FLG: variants seen among roughly 807,000 people sequenced by gnomAD.
FLG encodes the protein epidermal filaggrin.
In FLG, 6 loss-of-function variants were observed where a neutral mutation model predicts 3.8. That is an observed-to-expected ratio of 1.60 (90% CI 0.87 to 3.15). The LOEUF is 3.15. FLG is among the 30% of genes most tolerant of loss of function. FLG has a pLI of 0.00. For synonymous variants in FLG, 2,551 were observed against 1,931.6 expected, an observed-to-expected ratio of 1.32 and a Z score of -8.41; for missense variants, 7,595 against 5,050.9, an observed-to-expected ratio of 1.50 and a Z score of -15.27.
At position 152,310,983 on chromosome 1, in the gene FLG, C is replaced by T. The variant is rs755954668; in HGVS notation, c.3903G>A (p.Gln1301=). ...CAGGGTGTCTGGAGCCATCTCTTGA[C>T]TGCTCCCGAGAAGATCCATGATGGT... is the stretch of plus-strand genomic sequence containing the variant. ...SRNHHGSSRE[Q]SRDGSRHPGF... is the part of the protein sequence containing the mutation. The change falls in exon 3 of 3, where the codon CAG becomes CAA. Residue 1301 remains glutamine, a synonymous_variant. Transcript: ENST00000368799. The T allele has an allele frequency of 6.2e-7, 1 of 1,614,012 alleles. No homozygotes were observed. Among genetic ancestry groups the T allele is most frequent in the Non-Finnish European group, 8.5e-7 (1 of 1,179,996 alleles).
chr1:152,313,988 C>T lies in FLG; in HGVS notation c.898G>A (p.Asp300Asn), dbSNP rs1377061033. The T allele has an allele frequency of 3.1e-6, 5 of 1,614,216 alleles. No homozygotes were observed. In the South Asian group the frequency reaches 5.5e-5, roughly 18 times the overall value. The change falls in exon 3 of 3, where the codon GAC becomes AAC. Residue 300 changes from aspartate (D) to asparagine (N), a missense_variant. Coordinates refer to ENST00000368799, the MANE Select transcript of FLG (RefSeq NM_002016.2). ...TCTGAGTGTCCCTCACTGTCCCTGTCCTGGCTAACTCTGGATCCCCTACGC... is the reference window on the plus strand; with the variant it reads ...TCTGAGTGTCCCTCACTGTCCCTGTTCTGGCTAACTCTGGATCCCCTACGC... ...RKRRGSRVSQ[D>N]RDSEGHSEDS...
In FLG at chr1:152,312,434, G is replaced by T. The variant is rs147738817; in HGVS notation, c.2452C>A (p.Gln818Lys). ...CGTGCCTGCTCATGGTGGGATCCTT[G>T]TCTTACTCCAGTGCTGGGCCCTGTC... ...GWTGPSTGVRQGSHHEQARDN... is the reference protein window; with the variant it reads ...GWTGPSTGVRKGSHHEQARDN... The change falls in exon 3 of 3, where the codon CAA (glutamine) becomes AAA (lysine). Residue 818 changes from glutamine (Q) to lysine (K), a missense_variant. Physicochemically the swap from Gln to Lys is moderately conservative, Grantham distance 53 (BLOSUM62 1). Transcript: ENST00000368799. 2 of 1,613,454 alleles carry T rather than the reference G, an allele frequency of 1.2e-6. No homozygotes were observed. The highest frequency in any genetic ancestry group is 1.1e-5 in the South Asian group (1 of 91,004).
Position 152,307,121 on chromosome 1 carries a change from T to G in FLG, c.7765A>C (p.Arg2589=). ...TCCTGAGCAGATCCATGATGGTTTCTGGAAGCAGACCCAGACCACCTCTCA... is the reference window on the plus strand; with the variant it reads ...TCCTGAGCAGATCCATGATGGTTTCGGGAAGCAGACCCAGACCACCTCTCA... The part of the protein sequence containing the change: ...DSERWSGSAS[R]NHHGSAQEQL... The change falls in exon 3 of 3, where the codon AGA becomes CGA. Residue 2589 remains arginine (R), a synonymous_variant. Transcript: ENST00000368799. 2 of 1,612,200 alleles carry G rather than the reference T, an allele frequency of 1.2e-6. No individual in the cohort carries two copies. Among genetic ancestry groups the G allele is most frequent in the African/African-American group, 2.7e-5 (2 of 73,642 alleles).
chr1:152,319,404 A>G (rs1652885138), intron 1 of FLG, among the ~76,000 whole-genome samples: 1 of 151,284 alleles, frequency 6.6e-6, no homozygotes, highest in Admixed American at 6.6e-5. Flanking sequence ...TCAGATTTAG[A>G]GGGAAATATA....
In FLG at chr1:152,312,584, C is replaced by G; in HGVS notation, c.2302G>C (p.Ala768Pro). The change falls in exon 3 of 3, where the codon GCT becomes CCT. Residue 768 changes from alanine (A) to proline (P), a missense_variant. By Grantham distance (27) the Ala-to-Pro change is conservative. Transcript: ENST00000368799. ...TGGTGGCTCTGCTGATGGTGACCAGCCTGTCCATGGCCTGACACTGACTGT... is the reference window on the plus strand; with the variant it reads ...TGGTGGCTCTGCTGATGGTGACCAGGCTGTCCATGGCCTGACACTGACTGT... ...DTQSVSGHGQAGHHQQSHQES... is the reference protein window; with the variant it reads ...DTQSVSGHGQPGHHQQSHQES... 1 of 1,613,762 alleles carries G rather than the reference C, an allele frequency of 6.2e-7. No homozygotes were observed. Among genetic ancestry groups the G allele is most frequent in the Non-Finnish European group, 8.5e-7 (1 of 1,179,964 alleles).
At position 152,303,306 on chromosome 1, in the gene FLG, T is replaced by A; in HGVS notation, c.11580A>T (p.Gly3860=). 1 of 1,614,014 alleles carries A rather than the reference T, an allele frequency of 6.2e-7. No individual in the cohort carries two copies. Residue 3860 remains glycine, a synonymous_variant, in exon 3 of 3, where the codon GGA becomes GGT. Transcript: ENST00000368799. Reference sequence around the variant, plus strand: ...TGTCACTGTCCTGGCTAACACTGGATCCCTGGCGCCTGCTTCTCCTGGACC... The same window carrying A: ...TGTCACTGTCCTGGCTAACACTGGAACCCTGGCGCCTGCTTCTCCTGGACC... ...SAGSRRSRRQ[G]SSVSQDSDSE...
At position 152,310,030 on chromosome 1, in the gene FLG, T is replaced by C. The variant is rs751155855; in HGVS notation, c.4856A>G (p.Tyr1619Cys). Reference protein sequence around the residue: ...RRSESASRNHYGSAREQSRHG... With the variant: ...RRSESASRNHCGSAREQSRHG... ...TCTTGACTGCTCCCGAGCAGATCCA[T>C]AATGGTTTCTGGAAGCCGACTCAGA... is the stretch of plus-strand genomic sequence containing the variant. Residue 1619 changes from tyrosine to cysteine, a missense_variant, in exon 3 of 3, where the codon TAT becomes TGT. By Grantham distance (194) the Tyr-to-Cys change is radical. Coordinates refer to ENST00000368799, the MANE Select transcript of FLG (RefSeq NM_002016.2). The C allele has an allele frequency of 2.5e-6, 4 of 1,613,662 alleles. No homozygotes were observed. Among genetic ancestry groups the C allele is most frequent in the Non-Finnish European group, 3.4e-6 (4 of 1,179,964 alleles).
intron 1 of FLG, among the ~76,000 whole-genome samples, chr1:152,321,177 AT>A (rs750683869): frequency 6.6e-6 from 1 of 150,572 alleles, no homozygotes; most frequent in Non-Finnish European, 1.5e-5. Context: ...CACTGTTATC[AT>A]TTTTTATGTG....
intron 1 of FLG, among the ~76,000 whole-genome samples, chr1:152,320,919 A>G (rs1652942393): frequency 6.6e-6 from 1 of 151,052 alleles, no homozygotes; most frequent in African/African-American, 2.4e-5. Context: ...ATGACTTCTA[A>G]ATAATCAATG....
rs747439047 is a variant in FLG at position 152,310,376 on chromosome 1, A to G, written c.4510T>C (p.Tyr1504His). 5 of 1,613,272 alleles carry G rather than the reference A, an allele frequency of 3.1e-6. No homozygotes were observed. Among genetic ancestry groups the G allele is most frequent in the Non-Finnish European group, 3.4e-6 (4 of 1,179,842 alleles). ...GSSRGGRQGS[Y>H]HEQSVDRSGH... ...GACCTATCTACTGATTGCTCGTGGT[A>G]GGATCCCTGCCTTCCTCCTCTGCTT... is the stretch of plus-strand genomic sequence containing the variant. Residue 1504 changes from tyrosine (Y) to histidine (H), a missense_variant, in exon 3 of 3, where the codon TAC becomes CAC. Tyr to His is a moderately conservative substitution (Grantham distance 83, BLOSUM62 2). Transcript: ENST00000368799.
In FLG at chr1:152,307,260, G is replaced by C; in HGVS notation, c.7626C>G (p.Asp2542Glu). ...SRHHEASSRADSSGHSQVGQG... is the reference protein window; with the variant it reads ...SRHHEASSRAESSGHSQVGQG... ...GGCCCACCTGCGAGTGTCCAGAGCT[G>C]TCGGCCCGAGAGGAAGCTTCATGGT... Residue 2542 changes from aspartate (D) to glutamate (E), a missense_variant, in exon 3 of 3, where the codon GAC becomes GAG. Asp to Glu is a conservative substitution (Grantham distance 45, BLOSUM62 2). Transcript: ENST00000368799. The C allele has an allele frequency of 1.2e-6, 2 of 1,613,046 alleles. No individual in the cohort carries two copies. The highest frequency in any genetic ancestry group is 1.7e-6 in the Non-Finnish European group (2 of 1,179,964).
Position 152,313,317 on chromosome 1 carries a change from G to T in FLG, c.1569C>A (p.Ser523Arg), listed in dbSNP as rs745686686. 1.9e-6 allele frequency: 3 copies of T among 1,613,690 alleles called. No individual in the cohort carries two copies. Among genetic ancestry groups the T allele is most frequent in the South Asian group, 1.1e-5 (1 of 91,042 alleles). ...QDTIRGHPGS[S>R]RGGRQGSHHE... is the part of the protein sequence containing the mutation. ...GGTGGGATCCCTGCCTTCCTCCTCT[G>T]CTTGACCCCGGGTGTCCACGAATGG... Residue 523 changes from serine to arginine, a missense_variant, in exon 3 of 3, where the codon AGC becomes AGA. Coordinates refer to ENST00000368799, the MANE Select transcript of FLG (RefSeq NM_002016.2).
In FLG at chr1:152,311,478, G is replaced by C. The variant is rs560095519; in HGVS notation, c.3408C>G (p.Thr1136=). Residue 1136 remains threonine (T), a synonymous_variant, in exon 3 of 3, where the codon ACC becomes ACG. Coordinates refer to ENST00000368799, the MANE Select transcript of FLG (RefSeq NM_002016.2). ...GGGATCCTTGTCTTCGTCCAGTGCT[G>C]GTCCTGGTCCGCCCATGGGCAGACT... The part of the protein sequence containing the change: ...QSESAHGRTR[T]STGRRQGSHH... 4 of 1,613,798 alleles carry C rather than the reference G, an allele frequency of 2.5e-6. No individual in the cohort carries two copies. The East Asian group carries it at 6.7e-5, about 27-fold the overall frequency.
At position 152,308,877 on chromosome 1, in the gene FLG, T is replaced by G. The variant is rs762671752; in HGVS notation, c.6009A>C (p.Glu2003Asp). 5.2e-5 allele frequency: 84 copies of G among 1,614,004 alleles called. No individual in the cohort carries two copies. Among genetic ancestry groups the G allele is most frequent in the Non-Finnish European group, 6.7e-5 (79 of 1,180,000 alleles). Reference sequence around the variant, plus strand: ...GGAGCTGGTGGTGGGATCCATGTCTTTCTCCTGCACTTGATCTTGCCTGTT... The same window carrying G: ...GGAGCTGGTGGTGGGATCCATGTCTGTCTCCTGCACTTGATCTTGCCTGTT... The part of the protein sequence containing the change: ...SHEQARSSAG[E>D]RHGSHHQLQS... Residue 2003 changes from glutamate to aspartate, a missense_variant, in exon 3 of 3, where the codon GAA (glutamate) becomes GAC (aspartate). Transcript: ENST00000368799.
rs1263177887 is a variant in FLG, at chr1:152,313,128, T to C, written c.1758A>G (p.Ser586=). The change falls in exon 3 of 3, where the codon TCA becomes TCG. Residue 586 remains serine, a synonymous_variant. Coordinates refer to ENST00000368799, the MANE Select transcript of FLG (RefSeq NM_002016.2). ...QSGDGTRHSG[S]RHHEASSQAD... ...CCTGAGAGGAAGCTTCATGATGACGTGACCCTGAGTGCCTGGTGCCGTCTC... is the reference window on the plus strand; with the variant it reads ...CCTGAGAGGAAGCTTCATGATGACGCGACCCTGAGTGCCTGGTGCCGTCTC... 6.2e-7 allele frequency: 1 copy of C among 1,613,864 alleles called. No homozygotes were observed. The highest frequency in any genetic ancestry group is 2.2e-5 in the East Asian group (1 of 44,816).
In FLG at chr1:152,304,858, C is replaced by A. The variant is rs754551146; in HGVS notation, c.10028G>T (p.Ser3343Ile). Reference sequence around the variant, plus strand: ...GTCTGACTCTTCTGAATGTCCCTCACTATCACTGGCCTGACTACCACTGGA... The same window carrying A: ...GTCTGACTCTTCTGAATGTCCCTCAATATCACTGGCCTGACTACCACTGGA... ...WGSSGSQASD[S>I]EGHSEESDTQ... Residue 3343 changes from serine to isoleucine, a missense_variant, in exon 3 of 3, where the codon AGT becomes ATT. By Grantham distance (142) the Ser-to-Ile change is moderately radical (BLOSUM62 -2). Transcript: ENST00000368799. 1.9e-6 allele frequency: 3 copies of A among 1,613,752 alleles called. No homozygotes were observed. Among genetic ancestry groups the A allele is most frequent in the Non-Finnish European group, 2.5e-6 (3 of 1,179,968 alleles).
Position 152,310,909 on chromosome 1 carries a change from G to A in FLG, c.3977C>T (p.Ser1326Phe). 6.2e-7 allele frequency: 1 copy of A among 1,614,074 alleles called. No homozygotes were observed. Among genetic ancestry groups the A allele is most frequent in the South Asian group, 1.1e-5 (1 of 91,072 alleles). The stretch of plus-strand genomic sequence containing the variant: ...TGTGTGATGAGTGCCTGATTGTCTG[G>A]AGCTGTCTGCAGAGTGCCCGTGACT... ...RASHGHSADS[S>F]RQSGTHHTES... Residue 1326 changes from serine (S) to phenylalanine (F), a missense_variant, in exon 3 of 3, where the codon TCC becomes TTC. Coordinates refer to ENST00000368799, the MANE Select transcript of FLG (RefSeq NM_002016.2).
rs147125842 is a variant in FLG, at chr1:152,308,897, C to T, written c.5989G>A (p.Ala1997Thr). 318 of 1,613,808 alleles carry T rather than the reference C, an allele frequency of 2.0e-4. No individual in the cohort carries two copies. In the African/African-American group the frequency reaches 3.1e-3, roughly 16 times the overall value. ...TGTCTTTCTCCTGCACTTGATCTTG[C>T]CTGTTCATGGGATGACGCAGCCTGT... ...RGQAASSHEQ[A>T]RSSAGERHGS... Residue 1997 changes from alanine to threonine, a missense_variant, in exon 3 of 3, where the codon GCA becomes ACA. Transcript: ENST00000368799.
At chr1:152,321,578 A>ATT in intron 1 of FLG, among the ~76,000 whole-genome samples, 1 of 130,574 alleles carries the variant, frequency 7.7e-6, no homozygotes. Context: ...CATAGAAGAA[A>ATT]TGTCTAGAAA....
Sources: gnomAD v4.1 joint callset for allele counts (sites outside exome capture counted in the v4.1 genomes callset) on GRCh38, gnomAD v4.1.1 for gene constraint, MANE v1.5 for transcripts, NCBI Gene and HGNC (gene_info 2026-07-23, HGNC 2026-07-21) for gene names.